CACNA2D1: variants seen among roughly 807,000 people sequenced by gnomAD.
The protein encoded by CACNA2D1 is voltage-dependent calcium channel subunit alpha-2/delta-1.
In CACNA2D1, 53 loss-of-function variants were observed where a neutral mutation model predicts 171.5. The ratio of observed to expected loss-of-function variants is 0.31; its 90% confidence interval spans 0.25 to 0.39. The LOEUF is 0.39. Ranked by LOEUF, CACNA2D1 falls within the 10% of genes least tolerant of loss-of-function variation. The pLI, the probability that CACNA2D1 is intolerant of heterozygous loss-of-function variation, is 1.00. For synonymous variants in CACNA2D1, 442 were observed against 443.1 expected (o/e 1.00, Z 0.03); for missense variants, 903 against 1,299.8 (o/e 0.69, Z 4.69).
chr7:81,955,559 A>ATAT (rs1793138812), intron 38 of CACNA2D1, among the ~76,000 whole-genome samples: 2 of 152,054 alleles, frequency 1.3e-5, no homozygotes, highest in Admixed American at 1.3e-4. Flanking sequence ...TACATCATCG[A>ATAT]TATTATGTAT....
intron 3 of CACNA2D1, among the ~76,000 whole-genome samples, chr7:82,307,871 C>G (rs1415325867): frequency 6.6e-6 from 1 of 152,094 alleles, no homozygotes; most frequent in Non-Finnish European, 1.5e-5. Flanking sequence ...GCAGTTTGTC[C>G]CAGCAAAAAC....
intron 4 of CACNA2D1, among the ~76,000 whole-genome samples, chr7:82,154,973 T>C (rs1229604790): frequency 6.6e-6 from 1 of 152,110 alleles, no homozygotes; most frequent in African/African-American, 2.4e-5. Context: ...TTATGAATGG[T>C]TCAGCACCAT....
At chr7:82,120,623 T>A (rs1300388415) in intron 5 of CACNA2D1, among the ~76,000 whole-genome samples, 1 of 152,156 alleles carries the variant, frequency 6.6e-6, no homozygotes, top group Non-Finnish European at 1.5e-5. Flanking sequence ...ACACTTGTAA[T>A]TCTGGCACTT....
intron 10 of CACNA2D1, among the ~76,000 whole-genome samples, chr7:82,049,295 C>T (rs764354863): frequency 2.0e-5 from 3 of 152,010 alleles, no homozygotes; most frequent in Non-Finnish European, 4.4e-5. Flanking sequence ...AAAAAAAGTG[C>T]ATAAGAAGAT....
In CACNA2D1 at chr7:81,969,235, T is replaced by C. The variant is rs374263934; in HGVS notation, c.2309-262A>G. ...CTGCTTTCACAACATAATGAATACA[T>C]GCCAAATCTCTACTTCACAACATTT... On this transcript the variant is annotated intron_variant, in intron 28 of 38. Coordinates refer to ENST00000356860, the MANE Select transcript of CACNA2D1 (RefSeq NM_000722.4). Among the ~76,000 whole-genome samples, 6 of 151,538 alleles carry C rather than the reference T, an allele frequency of 4.0e-5. No individual in the cohort carries two copies. The South Asian group carries it at 1.0e-3, about 26-fold the overall frequency.
chr7:82,212,696 C>T (rs966651535), intron 3 of CACNA2D1, among the ~76,000 whole-genome samples: 1 of 152,188 alleles, frequency 6.6e-6, no homozygotes, highest in Non-Finnish European at 1.5e-5. Flanking sequence ...TTTGTCTGAA[C>T]TGGCACAATT....
intron 2 of CACNA2D1, among the ~76,000 whole-genome samples, chr7:82,346,270 T>C (rs1819240784): frequency 6.6e-6 from 1 of 152,184 alleles, no homozygotes; most frequent in African/African-American, 2.4e-5. Context: ...TTTGTCATAC[T>C]GGCCCAGCCT....
chr7:82,219,406 C>G (rs1801513753), intron 3 of CACNA2D1, among the ~76,000 whole-genome samples: 1 of 151,908 alleles, frequency 6.6e-6, no homozygotes, highest in African/African-American at 2.4e-5. Flanking sequence ...ACATCATGAT[C>G]CATTCCACAT....
At chr7:82,077,187 T>C (rs1357218229) in intron 7 of CACNA2D1, among the ~76,000 whole-genome samples, 4 of 152,328 alleles carry the variant, frequency 2.6e-5, no homozygotes, top group Middle Eastern at 3.4e-3. Flanking sequence ...AATGTCCATA[T>C]AGTAACCATA....
Position 81,964,276 on chromosome 7 carries a change from A to G in CACNA2D1, c.2658T>C (p.Tyr886=), listed in dbSNP as rs775601344. 12 of 1,612,714 alleles carry G rather than the reference A, an allele frequency of 7.4e-6. No individual in the cohort carries two copies. Among genetic ancestry groups the G allele is most frequent in the South Asian group, 2.2e-5 (2 of 91,060 alleles). The part of the protein sequence containing the change: ...NISVYAFNKS[Y]DYQSVCEPGA... ...CGGGCTCACATACTGACTGATAATCATAAGATTTGTTAAAAGCATAAACTG... is the reference window on the plus strand; with the variant it reads ...CGGGCTCACATACTGACTGATAATCGTAAGATTTGTTAAAAGCATAAACTG... The change falls in exon 33 of 39, where the codon TAT becomes TAC. Residue 886 remains tyrosine (Y), a synonymous_variant. Transcript: ENST00000356860.
rs1469899637 is a variant in CACNA2D1, at chr7:82,069,710, C to CA, written c.659-3187_659-3186insT. ...ATGGTCTAAAAATAATAGCGAAGTA[C>CA]CCCTTTTTTTTTTATTTCAGCTGCT... On this transcript the variant is annotated intron_variant, in intron 7 of 38. Transcript: ENST00000356860. Among the ~76,000 whole-genome samples the CA allele has an allele frequency of 2.9e-4, 3 of 10,446 alleles. No homozygotes were observed. In the East Asian group the frequency reaches 0.015, roughly 51 times the overall value. 6.9% of individuals were successfully genotyped at this position (10,446 alleles called of 152,430 possible).
chr7:82,045,116 T>G (rs539659273), intron 10 of CACNA2D1, among the ~76,000 whole-genome samples: 12 of 9,014 alleles, frequency 1.3e-3, no homozygotes, highest in South Asian at 0.023. Context: ...AAAGCCCAGA[T>G]TAATAGAAAA....
Position 81,948,214 on chromosome 7 carries a change from A to AAGAT in CACNA2D1, c.*2174_*2177dup, listed in dbSNP as rs1161549916. 3 of 152,036 alleles carry AAGAT rather than the reference A, an allele frequency of 2.0e-5. No individual in the cohort carries two copies. The highest frequency in any genetic ancestry group is 2.1e-4 in the South Asian group (1 of 4,824). The allele number at this position is 152,036 out of a possible 1,614,324, so 9.4% of individuals were successfully genotyped here. Reference sequence around the variant, plus strand: ...CCCCTTCCCAACACTATCATGATTTAAGATAGTCTAGCAAAAATTGAACAA... The same window carrying AAGAT: ...CCCCTTCCCAACACTATCATGATTTAAGATAGATAGTCTAGCAAAAATTGAACAA... On this transcript the variant is annotated 3_prime_UTR_variant, in exon 39 of 39. Coordinates refer to ENST00000356860, the MANE Select transcript of CACNA2D1 (RefSeq NM_000722.4).
chr7:82,057,516 TA>T (rs562813872), intron 10 of CACNA2D1, among the ~76,000 whole-genome samples: 70 of 151,780 alleles, frequency 4.6e-4, no homozygotes, highest in Non-Finnish European at 9.3e-4. Flanking sequence ...AACCTAAATC[TA>T]TAGCTACTAT....
intron 7 of CACNA2D1, among the ~76,000 whole-genome samples, chr7:82,073,331 T>C (rs893146617): frequency 6.6e-6 from 1 of 152,182 alleles, no homozygotes; most frequent in African/African-American, 2.4e-5. Context: ...ACTTATGATC[T>C]TGACTTGTTT....
At chr7:82,286,833 A>T (rs1190289394) in intron 3 of CACNA2D1, among the ~76,000 whole-genome samples, 1 of 152,080 alleles carries the variant, frequency 6.6e-6, no homozygotes, top group Non-Finnish European at 1.5e-5. Context: ...TGCCTATTTA[A>T]GTGTGTGGAG....
intron 3 of CACNA2D1, among the ~76,000 whole-genome samples, chr7:82,266,524 CT>C (rs897523180): frequency 2.6e-5 from 4 of 151,066 alleles, no homozygotes; most frequent in Non-Finnish European, 5.9e-5. Flanking sequence ...GTTTTCAACT[CT>C]TTTTTTTTGA....
chr7:81,950,350 C>T lies in CACNA2D1; in HGVS notation c.*42G>A, dbSNP rs769366182. On this transcript the variant is annotated 3_prime_UTR_variant, in exon 39 of 39. Coordinates refer to ENST00000356860, the MANE Select transcript of CACNA2D1 (RefSeq NM_000722.4). Reference sequence around the variant, plus strand: ...ATTGAGGGCAGGGCTCATGTTTTGGCAGGGTCTGGAGTTTAACTATGCAGA... The same window carrying T: ...ATTGAGGGCAGGGCTCATGTTTTGGTAGGGTCTGGAGTTTAACTATGCAGA... 17 of 1,612,454 alleles carry T rather than the reference C, an allele frequency of 1.1e-5. No individual in the cohort carries two copies. The Admixed American group carries it at 2.8e-4, about 27-fold the overall frequency.
At chr7:81,978,818 A>ATATT (rs1172067928) in intron 24 of CACNA2D1, among the ~76,000 whole-genome samples, 3 of 22,210 alleles carry the variant, frequency 1.4e-4, no homozygotes, top group Admixed American at 4.0e-4. Context: ...ATATATATAT[A>ATATT]TATTTATTTA....
Sources: allele counts gnomAD v4.1 joint callset (sites outside exome capture counted in the v4.1 genomes callset), GRCh38; gene constraint gnomAD v4.1.1; transcripts MANE v1.5; gene names NCBI Gene and HGNC (gene_info 2026-07-23, HGNC 2026-07-21).